C3orf18: variants seen among roughly 807,000 people sequenced by gnomAD.
C3orf18 encodes chromosome 3 open reading frame 18, also known as uncharacterized protein C3orf18.
Under a neutral mutation model 14.1 loss-of-function variants are expected in C3orf18, and 12 were observed. The observed-to-expected ratio is 0.85, with a 90% CI of 0.55 to 1.38. The LOEUF (loss-of-function observed/expected upper bound fraction) is 1.38. C3orf18 is among the 40% of genes most tolerant of loss of function. The pLI, the probability that C3orf18 is intolerant of heterozygous loss-of-function variation, is 0.00. For synonymous variants in C3orf18, 82 were observed against 87.9 expected (o/e 0.93, Z 0.38); for missense variants, 196 against 213.9 (o/e 0.92, Z 0.52).
upstream of C3orf18, chr3:50,569,512 C>T (rs954910945): frequency 2.7e-5 from 4 of 150,262 alleles, no homozygotes; most frequent in Non-Finnish European, 5.9e-5. Context: ...CCACGCACGT[C>T]CGGGCGTCCA....
upstream of C3orf18, chr3:50,570,097 C>G (rs1317180466): frequency 5.3e-5 from 8 of 152,148 alleles, no homozygotes; most frequent in Non-Finnish European, 1.2e-4. Flanking sequence ...ACCTCGGCCT[C>G]CCAGAGTGCT....
Position 50,558,777 on chromosome 3 carries a change from T to C in C3orf18, c.*880A>G, listed in dbSNP as rs748423662. 7 of 1,289,818 alleles carry C rather than the reference T, an allele frequency of 5.4e-6. No homozygotes were observed. Among genetic ancestry groups the C allele is most frequent in the Non-Finnish European group, 7.1e-6 (7 of 988,858 alleles). 79.9% of individuals were successfully genotyped at this position (1,289,818 alleles called of 1,614,324 possible). On this transcript the variant is annotated 3_prime_UTR_variant, in exon 6 of 6. Transcript: ENST00000357203. ...CCCTCTTCCCTGCAGTCCCTGAAGA[T>C]TGAAGGCAGAGAAGATAGCCTACCC...
At chr3:50,561,834 T>C (rs1699988261) in intron 3 of C3orf18, 87 bp from the exon 4 acceptor site, 1 of 1,418,048 alleles carries the variant, frequency 7.1e-7, no homozygotes, top group South Asian at 1.2e-5. Context: ...ATGCTGAGGC[T>C]GATGAACAAG....
chr3:50,558,459 C>A lies in C3orf18; in HGVS notation c.*1198G>T, dbSNP rs969433642. ...CTTATGGAGAGGCCAAGTGCAGGGACCCATCTCCCCACTCTCTAAACACTG... is the reference window on the plus strand; with the variant it reads ...CTTATGGAGAGGCCAAGTGCAGGGAACCATCTCCCCACTCTCTAAACACTG... On this transcript the variant is annotated 3_prime_UTR_variant, in exon 6 of 6. Coordinates refer to ENST00000357203, the MANE Select transcript of C3orf18 (RefSeq NM_016210.5). 7.0e-5 allele frequency: 24 copies of A among 340,804 alleles called. No homozygotes were observed. The highest frequency in any genetic ancestry group is 1.3e-4 in the Non-Finnish European group (23 of 174,688). The allele number at this position is 340,804 out of a possible 1,614,324, so 21.1% of individuals were successfully genotyped here. A position where few individuals can be genotyped will look rare whatever the true frequency, so the allele number is the denominator to read the frequency against.
At chr3:50,571,629 G>A (rs1347867010), upstream of C3orf18, 8 of 1,287,036 alleles carry the variant, frequency 6.2e-6, no homozygotes, top group East Asian at 1.4e-4. Flanking sequence ...CCAGTGCTGG[G>A]CAGGCATTAT....
Position 50,560,924 on chromosome 3 carries a change from T to G in C3orf18, c.401A>C (p.Gln134Pro), listed in dbSNP as rs1411401949. Residue 134 changes from glutamine to proline, a missense_variant, in exon 5 of 6, where the codon CAG (glutamine) becomes CCG (proline). By Grantham distance (76) the Gln-to-Pro change is moderately conservative (BLOSUM62 -1). Coordinates refer to ENST00000357203, the MANE Select transcript of C3orf18 (RefSeq NM_016210.5). Reference sequence around the variant, plus strand: ...AGCCTGGTCAGTGCCCACCTTGCCCTGCATGGCCTGCACAGAAGTAGCAGC... The same window carrying G: ...AGCCTGGTCAGTGCCCACCTTGCCCGGCATGGCCTGCACAGAAGTAGCAGC... Reference protein sequence around the residue: ...VQAATSVQAMQGKTTLPSQGP... With the variant: ...VQAATSVQAMPGKTTLPSQGP... 2.5e-6 allele frequency: 4 copies of G among 1,611,278 alleles called. No homozygotes were observed. Among genetic ancestry groups the G allele is most frequent in the Middle Eastern group, 3.5e-4 (2 of 5,634 alleles).
At chr3:50,570,971 G>C (rs1253342813), upstream of C3orf18, 1 of 606,636 alleles carries the variant, frequency 1.6e-6, no homozygotes, top group Non-Finnish European at 2.8e-6. Context: ...GCCATTTTGG[G>C]GCACCAGAGC....
upstream of C3orf18, among the ~76,000 whole-genome samples, chr3:50,574,046 G>A (rs1211860172): frequency 3.3e-5 from 5 of 152,212 alleles, no homozygotes; most frequent in African/African-American, 9.7e-5. Flanking sequence ...GTACTCATGG[G>A]CACTTAGGTT....
At chr3:50,569,988 G>C (rs1700741520), upstream of C3orf18, 1 of 152,148 alleles carries the variant, frequency 6.6e-6, no homozygotes, top group Non-Finnish European at 1.5e-5. Context: ...CTACAGGTGC[G>C]CGTCAGTATG....
upstream of C3orf18, chr3:50,571,005 A>T: frequency 1.2e-6 from 1 of 859,514 alleles, no homozygotes. Context: ...ATCTCCACCC[A>T]GCTGGGTCCA....
intron 5 of C3orf18, 57 bp downstream of exon 5, chr3:50,560,860 T>C: frequency 6.6e-7 from 1 of 1,520,716 alleles, no homozygotes; most frequent in African/African-American, 1.4e-5. Flanking sequence ...GGAGGGAGGG[T>C]GAGGGTGGAG....
chr3:50,562,045 G>A, intron 3 of C3orf18: 2 of 573,780 alleles, frequency 3.5e-6, no homozygotes, highest in East Asian at 2.9e-5. Flanking sequence ...GATTACAGGT[G>A]TGCACCACCA....
rs1452576513 is a variant in C3orf18, at chr3:50,565,747, A to G, written c.-48T>C. 1 of 1,447,146 alleles carries G rather than the reference A, an allele frequency of 6.9e-7. No individual in the cohort carries two copies. Among genetic ancestry groups the G allele is most frequent in the Non-Finnish European group, 9.5e-7 (1 of 1,056,080 alleles). 89.6% of individuals were successfully genotyped at this position (1,447,146 alleles called of 1,614,324 possible). A position where few individuals can be genotyped will look rare whatever the true frequency, so the allele number is the denominator to read the frequency against. On this transcript the variant is annotated 5_prime_UTR_variant, in exon 3 of 6. Coordinates refer to ENST00000357203, the MANE Select transcript of C3orf18 (RefSeq NM_016210.5). The surrounding 1 kb of genome is among the most constrained non-coding windows in gnomAD (Gnocchi z 4.4). ...CTGAGAGGCTGCCTGATGCCAGTCAACCTGCCCACTCACTCCTGACTCCGG... is the reference window on the plus strand; with the variant it reads ...CTGAGAGGCTGCCTGATGCCAGTCAGCCTGCCCACTCACTCCTGACTCCGG...
chr3:50,571,724 G>A, upstream of C3orf18: 1 of 1,614,188 alleles, frequency 6.2e-7, no homozygotes, highest in South Asian at 1.1e-5. Context: ...AGAGCCTGAG[G>A]CCGGCACTTT....
chr3:50,562,246 C>T (rs2107274471), intron 3 of C3orf18: 1 of 354,550 alleles, frequency 2.8e-6, no homozygotes, highest in South Asian at 2.1e-5. Flanking sequence ...CAGACTGAGT[C>T]TGGGGACTCA....
chr3:50,568,145 T>A (rs1321149993), upstream of C3orf18, among the ~76,000 whole-genome samples: 1 of 152,214 alleles, frequency 6.6e-6, no homozygotes, highest in Non-Finnish European at 1.5e-5. Flanking sequence ...GGCTTTCTAC[T>A]CAGACGGGTC....
chr3:50,572,591 AGCC>A (rs1284325362), upstream of C3orf18, among the ~76,000 whole-genome samples: 1 of 152,190 alleles, frequency 6.6e-6, no homozygotes, highest in Admixed American at 6.5e-5. Flanking sequence ...AGAGGGCTCC[AGCC>A]GGACACCTGG....
At position 50,558,133 on chromosome 3, in the gene C3orf18, G is replaced by A. The variant is rs1699768727; in HGVS notation, c.*1524C>T. 6.5e-6 allele frequency: 1 copy of A among 153,648 alleles called. No individual in the cohort carries two copies. The highest frequency in any genetic ancestry group is 1.5e-5 in the Non-Finnish European group (1 of 68,832). The allele number at this position is 153,648 out of a possible 1,614,324, so 9.5% of individuals were successfully genotyped here. A position where few individuals can be genotyped will look rare whatever the true frequency, so the allele number is the denominator to read the frequency against. ...TCCTGGCAGCCTCCAGTCGACTCAA[G>A]TGCTAACGTATTTATAGCATTTAGA... On this transcript the variant is annotated 3_prime_UTR_variant, in exon 6 of 6. Transcript: ENST00000357203.
upstream of C3orf18, among the ~76,000 whole-genome samples, chr3:50,572,971 T>TA (rs1701180037): frequency 6.6e-6 from 1 of 152,324 alleles, no homozygotes; most frequent in East Asian, 1.9e-4. Flanking sequence ...GGAGTGTTTC[T>TA]AGAAAGACCT....
Sources: allele counts gnomAD v4.1 joint callset (sites outside exome capture counted in the v4.1 genomes callset), GRCh38; gene constraint gnomAD v4.1.1; non-coding constraint Gnocchi (gnomAD v3.1); transcripts MANE v1.5; gene names NCBI Gene and HGNC (gene_info 2026-07-23, HGNC 2026-07-21).